Variants in SPDYE4 observed in about 807,000 individuals in gnomAD.
SPDYE4 encodes the protein speedy/RINGO cell cycle regulator family member E4.
SPDYE4 carries 30 observed loss-of-function variants against 37.5 expected under a neutral mutation model. That is an observed-to-expected ratio of 0.80 (90% CI 0.60 to 1.09). The LOEUF is 1.09. Among genes scored for constraint, SPDYE4 ranks in the 50% least tolerant of loss-of-function variants. The probability of loss-of-function intolerance (pLI) is 0.00; values close to 1 mark genes in which losing one functional copy is unlikely to be tolerated. For synonymous variants in SPDYE4, 131 were observed against 120.3 expected, an observed-to-expected ratio of 1.09 and a Z score of -0.58; for missense variants, 300 against 307.9, an observed-to-expected ratio of 0.97 and a Z score of 0.19.
intron 4 of SPDYE4, 90 bp downstream of exon 4, chr17:8,755,430 G>T (rs998143944): frequency 2.1e-6 from 3 of 1,438,534 alleles, no homozygotes; most frequent in Non-Finnish European, 2.9e-6. Flanking sequence ...GAGAAGTAGG[G>T]TAAAAAAATA....
Position 8,757,412 on chromosome 17 carries a change from C to T in SPDYE4, c.190G>A (p.Glu64Lys). 1 of 1,592,462 alleles carries T rather than the reference C, an allele frequency of 6.3e-7. No homozygotes were observed. Among genetic ancestry groups the T allele is most frequent in the Non-Finnish European group, 8.6e-7 (1 of 1,169,172 alleles). Residue 64 changes from glutamate (E) to lysine (K), a missense_variant, in exon 2 of 7, where the codon GAG becomes AAG. Glu to Lys is a moderately conservative substitution (Grantham distance 56, BLOSUM62 1). Transcript: ENST00000689094. Reference protein sequence around the residue: ...KSEWSDESEEELEEELELERA... With the variant: ...KSEWSDESEEKLEEELELERA... ...TCCAACTCCAGCTCCTCCTCCAGCTCCTCCTCGGATTCGTCTGACCATTCG... is the reference window on the plus strand; with the variant it reads ...TCCAACTCCAGCTCCTCCTCCAGCTTCTCCTCGGATTCGTCTGACCATTCG...
chr17:8,749,457 A>G (rs993481002), downstream of SPDYE4, among the ~76,000 whole-genome samples: 4 of 152,028 alleles, frequency 2.6e-5, no homozygotes, highest in Non-Finnish European at 5.9e-5. Context: ...TTGTAGAGAC[A>G]GGGTTTCACC....
chr17:8,747,943 G>A (rs1418147198), downstream of SPDYE4, among the ~76,000 whole-genome samples: 1 of 152,224 alleles, frequency 6.6e-6, no homozygotes, highest in Non-Finnish European at 1.5e-5. Flanking sequence ...GGAGGTGACA[G>A]GCACTTCTTA....
rs1026975718 is a variant in SPDYE4 at position 8,751,926 on chromosome 17, A to G, written c.*356T>C. Among the ~76,000 whole-genome samples the G allele has an allele frequency of 3.9e-5, 6 of 152,240 alleles. No individual in the cohort carries two copies. Among genetic ancestry groups the G allele is most frequent in the Non-Finnish European group, 5.9e-5 (4 of 68,042 alleles). On this transcript the variant is annotated 3_prime_UTR_variant, in exon 7 of 7. Transcript: ENST00000689094. ...GCTCTGGACTGTGGCAACCAAGTCC[A>G]TAGGAAACAGGAACTCCAGCTTCCA...
downstream of SPDYE4, among the ~76,000 whole-genome samples, chr17:8,749,421 G>A (rs1490245160): frequency 6.6e-6 from 1 of 151,986 alleles, no homozygotes; most frequent in Non-Finnish European, 1.5e-5. Flanking sequence ...ATGCCACTAT[G>A]CCCGGCTAAT....
At chr17:8,756,887 C>CTTTTA (rs566834233) in intron 2 of SPDYE4, among the ~76,000 whole-genome samples, 11,388 of 151,616 alleles carry the variant, frequency 0.075, 484 homozygotes, top group Middle Eastern at 0.088. Flanking sequence ...TTTCTTTTAT[C>CTTTTA]TTTTATTTTA....
chr17:8,757,607 C>G, intron 1 of SPDYE4, 115 bp from the exon 2 acceptor site: 1 of 1,059,566 alleles, frequency 9.4e-7, no homozygotes, highest in Non-Finnish European at 1.3e-6. Flanking sequence ...AGACTGTCAG[C>G]TTCTCCAAGC....
rs768611408 is a variant in SPDYE4 at position 8,753,316 on chromosome 17, C to G, written c.654+5G>C. Reference sequence around the variant, plus strand: ...ACCCCCACCTCCTCATATGGCCCCACCTACCTCCTCCATCTCCTCTGGGGA... The same window carrying G: ...ACCCCCACCTCCTCATATGGCCCCAGCTACCTCCTCCATCTCCTCTGGGGA... On this transcript the variant is annotated splice_donor_5th_base_variant and intron_variant, in intron 5 of 6. Coordinates refer to ENST00000689094, the MANE Select transcript of SPDYE4 (RefSeq NM_001394956.1). The G allele has an allele frequency of 1.5e-5, 24 of 1,569,062 alleles. No homozygotes were observed. The highest frequency in any genetic ancestry group is 2.1e-5 in the Non-Finnish European group (24 of 1,156,364).
At chr17:8,757,921 T>C (rs1460909797) in intron 1 of SPDYE4, among the ~76,000 whole-genome samples, 1 of 152,088 alleles carries the variant, frequency 6.6e-6, no homozygotes, top group Non-Finnish European at 1.5e-5. Flanking sequence ...TAGCTGGGAC[T>C]ACAGGCACGC....
At chr17:8,754,903 T>A (rs186148253) in intron 4 of SPDYE4, among the ~76,000 whole-genome samples, 1 of 152,052 alleles carries the variant, frequency 6.6e-6, no homozygotes, top group African/African-American at 2.4e-5. Flanking sequence ...AAGATGAAGA[T>A]GGTGGGCAGG....
At position 8,757,334 on chromosome 17, in the gene SPDYE4, T is replaced by C. The variant is rs2086781109; in HGVS notation, c.268A>G (p.Lys90Glu). The C allele has an allele frequency of 6.2e-7, 1 of 1,602,332 alleles. No individual in the cohort carries two copies. Among genetic ancestry groups the C allele is most frequent in the Non-Finnish European group, 8.5e-7 (1 of 1,174,208 alleles). The part of the protein sequence containing the change: ...TWVVETLCGL[K>E]MKLKRKRASS... ...GCTCGCTTTCGCTTCAGCTTCATCT[T>C]GAGCCCACACAGCGTCTCCACCACC... is the stretch of plus-strand genomic sequence containing the variant. The change falls in exon 2 of 7, where the codon AAG becomes GAG. Residue 90 changes from lysine (K) to glutamate (E), a missense_variant. Coordinates refer to ENST00000689094, the MANE Select transcript of SPDYE4 (RefSeq NM_001394956.1).
At chr17:8,754,403 A>T (rs1344084795) in intron 4 of SPDYE4, among the ~76,000 whole-genome samples, 1 of 152,104 alleles carries the variant, frequency 6.6e-6, no homozygotes, top group African/African-American at 2.4e-5. Context: ...GCAAAACGTC[A>T]TCTCTACTAA....
At chr17:8,756,119 C>T (rs536357685) in intron 3 of SPDYE4, among the ~76,000 whole-genome samples, 57 of 152,088 alleles carry the variant, frequency 3.7e-4, no homozygotes, top group African/African-American at 1.3e-3. Context: ...TTGGAGAGGC[C>T]GAGGCGGGAG....
intron 6 of SPDYE4, among the ~76,000 whole-genome samples, 170 bp from the exon 7 acceptor site, chr17:8,752,407 G>A (rs1348707988): frequency 1.3e-5 from 2 of 151,932 alleles, no homozygotes; most frequent in African/African-American, 4.8e-5. Flanking sequence ...TTTGATTCTG[G>A]TACTCACACT....
downstream of SPDYE4, among the ~76,000 whole-genome samples, chr17:8,749,319 A>G (rs937055905): frequency 6.6e-6 from 1 of 151,536 alleles, no homozygotes; most frequent in Non-Finnish European, 1.5e-5. Flanking sequence ...GCTGGAGTGC[A>G]GTGGAGTGAT....
intron 1 of SPDYE4, among the ~76,000 whole-genome samples, chr17:8,757,959 T>A (rs2086788362): frequency 6.6e-6 from 1 of 152,052 alleles, no homozygotes; most frequent in Non-Finnish European, 1.5e-5. Context: ...ACTTTTGTAT[T>A]TTTGGTAGAG....
At position 8,753,429 on chromosome 17, in the gene SPDYE4, G is replaced by A. The variant is rs1310499515; in HGVS notation, c.546C>T (p.Phe182=). The change falls in exon 5 of 7, where the codon TTC becomes TTT. Residue 182 remains phenylalanine (F), a synonymous_variant. Transcript: ENST00000689094. Reference sequence around the variant, plus strand: ...GCTGGGAGTAGTTCTTCCCGTAGAGGAAGGAGAAGATGTCTTGTTTCGGGG... The same window carrying A: ...GCTGGGAGTAGTTCTTCCCGTAGAGAAAGGAGAAGATGTCTTGTTTCGGGG... The part of the protein sequence containing the change: ...NQAPKQDIFS[F]LYGKNYSQRP... The A allele has an allele frequency of 6.2e-7, 1 of 1,610,544 alleles. No homozygotes were observed. The highest frequency in any genetic ancestry group is 8.5e-7 in the Non-Finnish European group (1 of 1,178,370).
Position 8,751,234 on chromosome 17 carries a change from A to G in SPDYE4, c.*1048T>C, listed in dbSNP as rs2151143962. ...CTCTCTTAAAAATGAAAACAGAATT[A>G]TATCTATGTGTATATAACAGGTGTA... On this transcript the variant is annotated 3_prime_UTR_variant, in exon 7 of 7. Transcript: ENST00000689094. Among the ~76,000 whole-genome samples, 1 of 152,338 alleles carries G rather than the reference A, an allele frequency of 6.6e-6. No homozygotes were observed. Among genetic ancestry groups the G allele is most frequent in the East Asian group, 1.9e-4 (1 of 5,192 alleles).
In SPDYE4 at chr17:8,755,616, G is replaced by A. The variant is rs1417112172; in HGVS notation, c.400-11C>T. 1.1e-5 allele frequency: 17 copies of A among 1,611,550 alleles called. No homozygotes were observed. Among genetic ancestry groups the A allele is most frequent in the African/African-American group, 2.7e-5 (2 of 74,892 alleles). ...CATAGCCAGGAGATACTGATGGAGA[G>A]AAGGGAGTAGAGAGAGAGAAAGGTT... On this transcript the variant is annotated splice_polypyrimidine_tract_variant and intron_variant, in intron 3 of 6. Transcript: ENST00000689094.
Sources: allele counts gnomAD v4.1 joint callset (sites outside exome capture counted in the v4.1 genomes callset), GRCh38; gene constraint gnomAD v4.1.1; transcripts MANE v1.5; gene names NCBI Gene and HGNC (gene_info 2026-07-23, HGNC 2026-07-21).